The following RIN3 variants were observed in gnomAD, a reference collection of about 807,000 sequenced individuals.
The protein encoded by RIN3 is Ras and Rab interactor 3, also known as RAB5 interacting protein 3.
RIN3 carries 54 observed loss-of-function variants against 76.3 expected under a neutral mutation model. That is an observed-to-expected ratio of 0.71 (90% CI 0.57 to 0.89). The LOEUF (loss-of-function observed/expected upper bound fraction) is 0.89. Ranked by LOEUF, RIN3 falls within the 40% of genes least tolerant of loss-of-function variation. RIN3 has a pLI of 0.00. For synonymous variants in RIN3, 576 were observed against 564.0 expected (o/e 1.02, Z -0.30); for missense variants, 1,256 against 1,322.1 (o/e 0.95, Z 0.78).
chr14:92,538,331 A>G (rs759303933), intron 1 of RIN3, among the ~76,000 whole-genome samples: 3 of 152,162 alleles, frequency 2.0e-5, no homozygotes, highest in Non-Finnish European at 2.9e-5. Context: ...GAACATCCCA[A>G]ATTGCTTTCT....
At chr14:92,563,155 T>A (rs1263383038) in intron 2 of RIN3, among the ~76,000 whole-genome samples, 1 of 151,332 alleles carries the variant, frequency 6.6e-6, no homozygotes, top group Non-Finnish European at 1.5e-5. Context: ...AGGTCAGGAG[T>A]TCAAGACTAG....
chr14:92,525,845 A>C (rs1896714559), intron 1 of RIN3, among the ~76,000 whole-genome samples: 1 of 152,162 alleles, frequency 6.6e-6, no homozygotes, highest in Non-Finnish European at 1.5e-5. Flanking sequence ...CGCAGGAGTG[A>C]TAGGCAGTGC....
At chr14:92,570,238 C>T (rs1898026482) in intron 2 of RIN3, among the ~76,000 whole-genome samples, 1 of 152,174 alleles carries the variant, frequency 6.6e-6, no homozygotes, top group African/African-American at 2.4e-5. Flanking sequence ...CCAGGGGCAC[C>T]ACTGGCTCCT....
intron 1 of RIN3, among the ~76,000 whole-genome samples, chr14:92,525,632 G>C (rs1157217802): frequency 1.3e-5 from 2 of 152,090 alleles, no homozygotes; most frequent in Non-Finnish European, 2.9e-5. Flanking sequence ...AAACAGGGTG[G>C]GCCGCCAAGG....
At chr14:92,621,796 G>T (rs939751517) in intron 4 of RIN3, among the ~76,000 whole-genome samples, 1 of 152,106 alleles carries the variant, frequency 6.6e-6, no homozygotes, top group Non-Finnish European at 1.5e-5. Context: ...AACAGTAAGT[G>T]TACATACAAA....
chr14:92,614,844 CTTT>C (rs71301939), intron 3 of RIN3, among the ~76,000 whole-genome samples: 3 of 118,194 alleles, frequency 2.5e-5, no homozygotes, highest in African/African-American at 3.4e-5. Flanking sequence ...TCTGGTATGT[CTTT>C]TTTTTTTTTT....
intron 4 of RIN3, among the ~76,000 whole-genome samples, chr14:92,624,264 G>A (rs565142880): frequency 1.4e-3 from 211 of 152,292 alleles, no homozygotes; most frequent in Non-Finnish European, 2.4e-3. Context: ...GAGGATAGAC[G>A]TGGAGATATG....
chr14:92,547,063 A>ATATTT lies in RIN3; in HGVS notation c.45-8679_45-8675dup. Among the ~76,000 whole-genome samples, 4 of 74,808 alleles carry ATATTT rather than the reference A, an allele frequency of 5.3e-5. 1 individual carries two copies. The South Asian group carries it at 1.8e-3, about 34-fold the overall frequency. The allele number at this position is 74,808 out of a possible 152,430, so 49.1% of individuals were successfully genotyped here. A position where few individuals can be genotyped will look rare whatever the true frequency, so the allele number is the denominator to read the frequency against. ...TTATTTTATTATAATAAAATAAATT[A>ATATTT]TATTTTATTTTATATTATATTATAT... On this transcript the variant is annotated intron_variant, in intron 1 of 9. Transcript: ENST00000216487.
rs889289584 is a variant in RIN3 at position 92,648,376 on chromosome 14, T to C, written c.533-3206T>C. On this transcript the variant is annotated intron_variant, in intron 5 of 9. Coordinates refer to ENST00000216487, the MANE Select transcript of RIN3 (RefSeq NM_024832.5). This position sits in a 1 kb window ranked among gnomAD's most constrained non-coding sequence, Gnocchi z 4.1. The stretch of plus-strand genomic sequence containing the variant: ...CACACCTGAGCAATGGGAAATGTTG[T>C]CTTCTGTTCTGTGCCTAATGGAGCC... 6.6e-6 allele frequency among the ~76,000 whole-genome samples: 1 copy of C among 152,228 alleles called. No homozygotes were observed. The highest frequency in any genetic ancestry group is 2.4e-5 in the African/African-American group (1 of 41,456).
chr14:92,541,826 T>C (rs1897137623), intron 1 of RIN3, among the ~76,000 whole-genome samples: 1 of 152,178 alleles, frequency 6.6e-6, no homozygotes, highest in Non-Finnish European at 1.5e-5. Context: ...AAGGACACCC[T>C]CAAGAAAGTA....
intron 4 of RIN3, among the ~76,000 whole-genome samples, chr14:92,617,227 G>A (rs10146346): frequency 0.35 from 53,658 of 151,868 alleles, 10,046 homozygotes; most frequent in Middle Eastern, 0.44. Flanking sequence ...TTGAACCTGG[G>A]AGGCAGAGGT....
Position 92,577,131 on chromosome 14 carries a change from G to A in RIN3, c.250-229G>A, listed in dbSNP as rs114786107. On this transcript the variant is annotated intron_variant, in intron 2 of 9. Coordinates refer to ENST00000216487, the MANE Select transcript of RIN3 (RefSeq NM_024832.5). ...TAGAAACATTGACTTCATTGAACCC[G>A]TCAGTGGGCAAATGAGAAACTGAGC... Among the ~76,000 whole-genome samples, 1,042 of 152,238 alleles carry A rather than the reference G, an allele frequency of 6.8e-3. 14 individuals are homozygous for A. Among genetic ancestry groups the A allele is most frequent in the African/African-American group, 0.024 (999 of 41,522 alleles).
At chr14:92,554,990 C>T (rs1897538656) in intron 1 of RIN3, among the ~76,000 whole-genome samples, 1 of 152,172 alleles carries the variant, frequency 6.6e-6, no homozygotes, top group Non-Finnish European at 1.5e-5. Flanking sequence ...CTTTTTATCA[C>T]AGTAAGTTTG....
At chr14:92,674,058 G>A (rs540329929) in intron 7 of RIN3, among the ~76,000 whole-genome samples, 22 of 152,286 alleles carry the variant, frequency 1.4e-4, no homozygotes, top group African/African-American at 5.1e-4. Context: ...TATGGGGCAC[G>A]CAGTTTTCCT....
chr14:92,603,016 C>T (rs1885398520), intron 3 of RIN3, among the ~76,000 whole-genome samples: 2 of 152,242 alleles, frequency 1.3e-5, no homozygotes, highest in Admixed American at 1.3e-4. Flanking sequence ...CGTTGGCCTC[C>T]AGCAAAAGGC....
intron 4 of RIN3, among the ~76,000 whole-genome samples, chr14:92,625,258 G>A (rs559955683): frequency 1.3e-3 from 198 of 152,220 alleles, no homozygotes; most frequent in African/African-American, 4.2e-3. Flanking sequence ...CCAGGGTAAT[G>A]GACTTTCTGA....
At chr14:92,533,572 C>T (rs1896929806) in intron 1 of RIN3, among the ~76,000 whole-genome samples, 1 of 152,132 alleles carries the variant, frequency 6.6e-6, no homozygotes, top group Non-Finnish European at 1.5e-5. Flanking sequence ...TCGCAGCAAC[C>T]TGGATGGAAC....
At chr14:92,657,708 G>C (rs761437701) in intron 6 of RIN3, among the ~76,000 whole-genome samples, 2 of 152,196 alleles carry the variant, frequency 1.3e-5, no homozygotes, top group Non-Finnish European at 2.9e-5. Flanking sequence ...GCCTGCGGAG[G>C]CTCCAGTGAG....
At position 92,672,660 on chromosome 14, in the gene RIN3, A is replaced by ATATGTGTG. The variant is rs371612916; in HGVS notation, c.2336-3814_2336-3813insATGTGTGT. On this transcript the variant is annotated intron_variant, in intron 7 of 9. Coordinates refer to ENST00000216487, the MANE Select transcript of RIN3 (RefSeq NM_024832.5). ...ATAAATTATATATATATGTGTGTGC[A>ATATGTGTG]TGTGTGTGTGTGTGTGTGTGTGTGT... Among the ~76,000 whole-genome samples, 748 of 148,510 alleles carry ATATGTGTG rather than the reference A, an allele frequency of 5.0e-3. 3 individuals carry two copies. The highest frequency in any genetic ancestry group is 0.013 in the East Asian group (67 of 5,026).
Sources: allele counts gnomAD v4.1 joint callset (sites outside exome capture counted in the v4.1 genomes callset), GRCh38; gene constraint gnomAD v4.1.1; non-coding constraint Gnocchi (gnomAD v3.1); transcripts MANE v1.5; gene names NCBI Gene and HGNC (gene_info 2026-07-23, HGNC 2026-07-21).